Variants in AKAP7 observed in about 807,000 individuals in gnomAD.
AKAP7 encodes the protein A kinase (PRKA) anchor protein 7.
A neutral mutation model predicts 39.5 loss-of-function variants in AKAP7; 39 were observed. That is an observed-to-expected ratio of 0.99 (90% CI 0.76 to 1.29). AKAP7 has a LOEUF of 1.29. Among genes scored for constraint, AKAP7 ranks in the 50% most tolerant of loss-of-function variants. AKAP7 has a pLI of 0.00. For synonymous variants in AKAP7, 140 were observed against 139.1 expected (o/e 1.01, Z -0.05); for missense variants, 414 against 407.7 (o/e 1.02, Z -0.13).
In AKAP7 at chr6:131,211,698, G is replaced by A. The variant is rs916680570; in HGVS notation, c.703-7963G>A. ...TGAGGCAGGGGAATGGCGAGAACCC[G>A]GGAGACGGAGGTTGCAGTGAGCCGA... On this transcript the variant is annotated intron_variant, in intron 6 of 7. Transcript: ENST00000431975. 4.7e-5 allele frequency among the ~76,000 whole-genome samples: 7 copies of A among 150,434 alleles called. No individual in the cohort carries two copies. The South Asian group carries it at 8.4e-4, about 18-fold the overall frequency.
At chr6:131,253,168 G>A in intron 7 of AKAP7, 1 of 1,439,360 alleles carries the variant, frequency 6.9e-7, no homozygotes, top group Middle Eastern at 1.8e-4. Context: ...GCCGTTTGGT[G>A]GTGGTGGTAG....
intron 5 of AKAP7, chr6:131,185,265 G>A: frequency 2.1e-6 from 1 of 468,462 alleles, no homozygotes; most frequent in South Asian, 1.9e-5. Flanking sequence ...CCAGTGCTGG[G>A]CAGGGTACGA....
At chr6:131,139,017 A>G (rs1408879890) in intron 1 of AKAP7, among the ~76,000 whole-genome samples, 4 of 152,376 alleles carry the variant, frequency 2.6e-5, no homozygotes, top group East Asian at 1.9e-4. Flanking sequence ...ACTCAACCCA[A>G]TGAACTTAAA....
chr6:131,240,899 C>T (rs1363683524), intron 7 of AKAP7, among the ~76,000 whole-genome samples: 1 of 151,246 alleles, frequency 6.6e-6, no homozygotes, highest in African/African-American at 2.4e-5. Context: ...CGCTCAGTGC[C>T]CTGCACCCAC....
intron 7 of AKAP7, among the ~76,000 whole-genome samples, chr6:131,258,919 T>TTGAC (rs1813081823): frequency 1.3e-5 from 2 of 152,090 alleles, no homozygotes; most frequent in African/African-American, 4.8e-5. Context: ...TTGGTGTGGA[T>TTGAC]TGACAGAGGA....
intron 7 of AKAP7, chr6:131,242,163 T>G: frequency 1.0e-6 from 1 of 984,940 alleles, no homozygotes; most frequent in East Asian, 1.1e-4. Flanking sequence ...TTTGATCTTC[T>G]ATTACTAGAG....
intron 7 of AKAP7, among the ~76,000 whole-genome samples, chr6:131,236,582 G>C (rs1811080198): frequency 6.6e-6 from 1 of 152,086 alleles, no homozygotes; most frequent in Non-Finnish European, 1.5e-5. Flanking sequence ...TTATTTCGTT[G>C]AGCAGTAGTT....
At chr6:131,263,765 G>C (rs1813555331) in intron 7 of AKAP7, among the ~76,000 whole-genome samples, 1 of 152,144 alleles carries the variant, frequency 6.6e-6, no homozygotes, top group Non-Finnish European at 1.5e-5. Context: ...AGGGTGAAGG[G>C]TAGGTGAGGA....
intron 5 of AKAP7, among the ~76,000 whole-genome samples, chr6:131,194,719 A>G (rs1806750246): frequency 6.6e-6 from 1 of 152,120 alleles, no homozygotes; most frequent in Non-Finnish European, 1.5e-5. Flanking sequence ...GGGTACTCCA[A>G]TGTTGGGTGT....
intron 5 of AKAP7, among the ~76,000 whole-genome samples, chr6:131,186,933 GTGAGGGTTTATTTT>G (rs1805923824): frequency 6.6e-6 from 1 of 152,118 alleles, no homozygotes; most frequent in Non-Finnish European, 1.5e-5. Flanking sequence ...AACCATATAT[GTGAGGGTTTATTTT>G]TGAGCTTTCT....
the AKAP7 span, among the ~76,000 whole-genome samples, chr6:131,127,640 A>G: frequency 6.6e-6 from 1 of 152,206 alleles, no homozygotes; most frequent in Non-Finnish European, 1.5e-5. Flanking sequence ...AAATACAAAT[A>G]ACAAACTAGG....
intron 7 of AKAP7, among the ~76,000 whole-genome samples, chr6:131,255,490 C>G (rs1470571301): frequency 1.3e-5 from 2 of 152,206 alleles, no homozygotes. Flanking sequence ...AACCTCCCAT[C>G]AAAGGACAGT....
At chr6:131,142,050 A>G (rs1044466589) in intron 1 of AKAP7, among the ~76,000 whole-genome samples, 2 of 152,004 alleles carry the variant, frequency 1.3e-5, no homozygotes, top group Admixed American at 1.3e-4. Flanking sequence ...GGAATGACTT[A>G]AAGTTGCTTT....
chr6:131,149,764 T>G (rs1410266250), intron 2 of AKAP7, among the ~76,000 whole-genome samples: 4 of 152,236 alleles, frequency 2.6e-5, no homozygotes, highest in Admixed American at 6.5e-5. Context: ...GGGTCTTTGC[T>G]GTTTACAAGG....
intron 1 of AKAP7, among the ~76,000 whole-genome samples, chr6:131,142,854 C>CT (rs746804142): frequency 1.3e-5 from 2 of 152,236 alleles, no homozygotes; most frequent in Non-Finnish European, 2.9e-5. Context: ...CTGCCTAAGG[C>CT]TTTGGGAGCC....
intron 1 of AKAP7, among the ~76,000 whole-genome samples, chr6:131,138,641 C>A (rs1266674657): frequency 1.3e-5 from 2 of 152,152 alleles, no homozygotes; most frequent in Non-Finnish European, 2.9e-5. Flanking sequence ...TGTGTGGTGC[C>A]AGAAAGGGCA....
At chr6:131,226,172 A>C (rs903050921) in intron 7 of AKAP7, among the ~76,000 whole-genome samples, 1 of 152,104 alleles carries the variant, frequency 6.6e-6, no homozygotes, top group Non-Finnish European at 1.5e-5. Context: ...AAATCTGTTT[A>C]CCTTTACACT....
At chr6:131,142,619 C>T (rs550262786) in intron 1 of AKAP7, among the ~76,000 whole-genome samples, 2 of 152,344 alleles carry the variant, frequency 1.3e-5, no homozygotes, top group East Asian at 1.9e-4. Flanking sequence ...GAGAAACTCT[C>T]CTAGGGCAAT....
chr6:131,139,737 G>A (rs1266612731), intron 1 of AKAP7, among the ~76,000 whole-genome samples: 1 of 152,194 alleles, frequency 6.6e-6, no homozygotes, highest in Non-Finnish European at 1.5e-5. Context: ...AGGCATGGAG[G>A]AATCAAAGGA....
Sources: allele counts gnomAD v4.1 joint callset (sites outside exome capture counted in the v4.1 genomes callset), GRCh38; gene constraint gnomAD v4.1.1; transcripts MANE v1.5; gene names NCBI Gene and HGNC (gene_info 2026-07-23, HGNC 2026-07-21).